The following SHISA9 variants were observed in gnomAD, a reference collection of about 807,000 sequenced individuals.
SHISA9 encodes shisa family member 9.
Under a neutral mutation model 38.0 loss-of-function variants are expected in SHISA9, and 13 were observed. That is an observed-to-expected ratio of 0.34 (90% CI 0.22 to 0.54). The LOEUF (loss-of-function observed/expected upper bound fraction) is 0.54, where lower values mean the gene tolerates loss of function less well. Ranked by LOEUF, SHISA9 falls within the 20% of genes least tolerant of loss-of-function variation. The probability of loss-of-function intolerance (pLI) is 0.91; values close to 1 mark genes in which losing one functional copy is unlikely to be tolerated. For synonymous variants in SHISA9, 275 were observed against 242.0 expected (o/e 1.14, Z -1.27); for missense variants, 538 against 575.8 (o/e 0.93, Z 0.67).
the SHISA9 span, among the ~76,000 whole-genome samples, chr16:13,296,432 A>G: frequency 2.0e-5 from 3 of 149,632 alleles, no homozygotes; most frequent in Non-Finnish European, 3.0e-5. Flanking sequence ...GCAGGGGGGA[A>G]AAAAACAGAT....
the SHISA9 span, among the ~76,000 whole-genome samples, chr16:13,408,273 A>AAGTTGAT: frequency 3.3e-5 from 5 of 152,332 alleles, no homozygotes; most frequent in East Asian, 1.9e-4. Context: ...TAAAATATAA[A>AAGTTGAT]AGTTGATATA....
intron 2 of SHISA9, among the ~76,000 whole-genome samples, chr16:12,991,113 A>T (rs544798579): frequency 6.6e-6 from 1 of 152,120 alleles, no homozygotes; most frequent in Non-Finnish European, 1.5e-5. Flanking sequence ...ATTCTTTTTG[A>T]TTATTAAGGA....
chr16:13,176,563 C>G lies in SHISA9; in HGVS notation c.692-26831C>G, dbSNP rs958679223. 5.3e-5 allele frequency among the ~76,000 whole-genome samples: 8 copies of G among 152,168 alleles called. No homozygotes were observed. In the South Asian group the frequency reaches 1.0e-3, roughly 20 times the overall value. ...CTCACAGACACTGGGAAGTCCAGCC[C>G]AAAACAGCCAGACAGACCCAGGAAC... is the stretch of plus-strand genomic sequence containing the variant. On this transcript the variant is annotated intron_variant, in intron 2 of 4. Transcript: ENST00000558583.
intron 2 of SHISA9, among the ~76,000 whole-genome samples, chr16:13,022,346 T>TC (rs1248535208): frequency 1.3e-5 from 2 of 152,040 alleles, no homozygotes; most frequent in African/African-American, 4.8e-5. Context: ...TTTTTTTTTT[T>TC]TCGAGACAGA....
chr16:13,548,432 G>C, the SHISA9 span, among the ~76,000 whole-genome samples: 255 of 152,252 alleles, frequency 1.7e-3, no homozygotes, highest in African/African-American at 6.0e-3. Context: ...CCTACAGAAT[G>C]GGAGAAAATA....
At chr16:13,112,535 C>CT (rs1203257563) in intron 2 of SHISA9, among the ~76,000 whole-genome samples, 1 of 152,178 alleles carries the variant, frequency 6.6e-6, no homozygotes, top group Non-Finnish European at 1.5e-5. Flanking sequence ...GCCACAGCTA[C>CT]TGAATCAACT....
At chr16:13,304,522 T>G in the SHISA9 span, among the ~76,000 whole-genome samples, 1 of 152,156 alleles carries the variant, frequency 6.6e-6, no homozygotes, top group Non-Finnish European at 1.5e-5. Flanking sequence ...CCTCCTAAAG[T>G]GTTGAGATTA....
the SHISA9 span, among the ~76,000 whole-genome samples, chr16:13,351,460 C>G: frequency 6.6e-6 from 1 of 152,108 alleles, no homozygotes; most frequent in Admixed American, 6.5e-5. Flanking sequence ...GGACTGTCAA[C>G]GTGCAAAGGA....
At chr16:13,477,802 T>C in the SHISA9 span, among the ~76,000 whole-genome samples, 1 of 151,994 alleles carries the variant, frequency 6.6e-6, no homozygotes, top group Non-Finnish European at 1.5e-5. Flanking sequence ...CCTTCTCTAT[T>C]AAAAATACAA....
chr16:13,543,319 T>C, the SHISA9 span, among the ~76,000 whole-genome samples: 1 of 152,190 alleles, frequency 6.6e-6, no homozygotes, highest in Non-Finnish European at 1.5e-5. Context: ...GTAGGGCTCT[T>C]GAAGAGGGGA....
At chr16:12,956,040 GT>G (rs1324315274) in intron 2 of SHISA9, among the ~76,000 whole-genome samples, 1 of 152,142 alleles carries the variant, frequency 6.6e-6, no homozygotes, top group Non-Finnish European at 1.5e-5. Context: ...GAATCTAGAA[GT>G]AACTAAAACA....
intron 2 of SHISA9, among the ~76,000 whole-genome samples, chr16:13,192,544 G>A (rs1224972722): frequency 1.3e-5 from 2 of 151,950 alleles, no homozygotes; most frequent in Admixed American, 6.6e-5. Context: ...ACATAGGTAG[G>A]TTCCACCAGG....
chr16:13,091,374 G>A (rs145677296), intron 2 of SHISA9, among the ~76,000 whole-genome samples: 3,551 of 152,258 alleles, frequency 0.023, 141 homozygotes, highest in African/African-American at 0.081. Context: ...AGTTCTCCTG[G>A]ATAATATCCT....
At chr16:13,192,109 G>T (rs1023586963) in intron 2 of SHISA9, among the ~76,000 whole-genome samples, 47 of 152,252 alleles carry the variant, frequency 3.1e-4, no homozygotes, top group African/African-American at 1.1e-3. Context: ...TTTTCTAAGT[G>T]AACTAACTCA....
chr16:13,462,639 A>G, the SHISA9 span, among the ~76,000 whole-genome samples: 1 of 152,142 alleles, frequency 6.6e-6, no homozygotes, highest in African/African-American at 2.4e-5. Context: ...AGCCTGGCCA[A>G]CATGGTAAAA....
At chr16:13,449,978 G>A in the SHISA9 span, among the ~76,000 whole-genome samples, 1 of 152,114 alleles carries the variant, frequency 6.6e-6, no homozygotes, top group Non-Finnish European at 1.5e-5. Flanking sequence ...ATAGCAGTGT[G>A]TGGTGGCACA....
intron 2 of SHISA9, among the ~76,000 whole-genome samples, chr16:12,979,663 ATTTTC>A (rs1225768056): frequency 9.2e-5 from 14 of 151,550 alleles, no homozygotes; most frequent in African/African-American, 3.4e-4. Context: ...ATCCTTTGGA[ATTTTC>A]TTTTCTTTTT....
intron 2 of SHISA9, among the ~76,000 whole-genome samples, chr16:12,992,654 C>A (rs966096124): frequency 2.0e-5 from 3 of 152,194 alleles, no homozygotes; most frequent in African/African-American, 7.2e-5. Flanking sequence ...GGCCAGTGTT[C>A]TTTCAGCCAC....
the SHISA9 span, among the ~76,000 whole-genome samples, chr16:13,248,254 A>G: frequency 3.9e-5 from 6 of 152,138 alleles, no homozygotes; most frequent in Admixed American, 2.0e-4. Flanking sequence ...TTCTGCTCAA[A>G]AAACCTCATT....
Sources: gnomAD v4.1 joint callset for allele counts (sites outside exome capture counted in the v4.1 genomes callset) on GRCh38, gnomAD v4.1.1 for gene constraint, MANE v1.5 for transcripts, NCBI Gene and HGNC (gene_info 2026-07-23, HGNC 2026-07-21) for gene names.